Variants in PLCB1 observed in about 807,000 individuals in gnomAD.
PLCB1 encodes the protein 1-phosphatidylinositol 4,5-bisphosphate phosphodiesterase beta-1.
Under a neutral mutation model 161.8 loss-of-function variants are expected in PLCB1, and 46 were observed. That is an observed-to-expected ratio of 0.28 (90% CI 0.22 to 0.36). The LOEUF is 0.36. PLCB1 is among the 10% of genes least tolerant of loss of function. The probability of loss-of-function intolerance (pLI) is 1.00; values close to 1 mark genes in which losing one functional copy is unlikely to be tolerated. For missense variants in PLCB1, 1,016 were observed against 1,472.5 expected, an observed-to-expected ratio of 0.69 and a Z score of 5.07; for synonymous variants, 517 against 503.7, an observed-to-expected ratio of 1.03 and a Z score of -0.35.
intron 31 of PLCB1, among the ~76,000 whole-genome samples, chr20:8,813,804 G>C (rs114951430): frequency 0.027 from 4,034 of 152,098 alleles, 170 homozygotes; most frequent in African/African-American, 0.093. Context: ...GCACAGCCAG[G>C]GCAACAGAGC....
chr20:8,404,523 T>C (rs568426808), intron 3 of PLCB1, among the ~76,000 whole-genome samples: 2 of 152,322 alleles, frequency 1.3e-5, no homozygotes, highest in African/African-American at 4.8e-5. Context: ...TCTTCCTTTT[T>C]TCTCCCCTGA....
chr20:8,316,923 G>A (rs1426577804), intron 2 of PLCB1, among the ~76,000 whole-genome samples: 2 of 151,998 alleles, frequency 1.3e-5, no homozygotes, highest in Non-Finnish European at 2.9e-5. Flanking sequence ...TATGTTTTAT[G>A]TTGTTTGCCT....
intron 7 of PLCB1, among the ~76,000 whole-genome samples, chr20:8,654,452 T>A (rs1989398805): frequency 1.3e-5 from 2 of 152,046 alleles, no homozygotes; most frequent in Admixed American, 1.3e-4. Context: ...AAACACTGAT[T>A]AGGTATCTAT....
intron 2 of PLCB1, among the ~76,000 whole-genome samples, chr20:8,290,837 G>A (rs1443612941): frequency 6.6e-6 from 1 of 152,048 alleles, no homozygotes; most frequent in East Asian, 1.9e-4. Context: ...TAAGGCAGTT[G>A]TCCATCTTAC....
At chr20:8,503,142 G>A (rs891570189) in intron 3 of PLCB1, among the ~76,000 whole-genome samples, 4 of 152,138 alleles carry the variant, frequency 2.6e-5, no homozygotes, top group African/African-American at 9.7e-5. Flanking sequence ...AAGACACTTT[G>A]GAAAGTGAAC....
chr20:8,267,532 A>G (rs1600274589), intron 2 of PLCB1, among the ~76,000 whole-genome samples: 1 of 152,194 alleles, frequency 6.6e-6, no homozygotes, highest in East Asian at 1.9e-4. Flanking sequence ...CCTGTTCCTG[A>G]GAGTCACTCT....
chr20:8,350,136 A>T (rs1363691995), intron 2 of PLCB1, among the ~76,000 whole-genome samples: 1 of 152,168 alleles, frequency 6.6e-6, no homozygotes, highest in Non-Finnish European at 1.5e-5. Context: ...CAGGTTTGTT[A>T]CACAGGTAAA....
chr20:8,344,564 G>A (rs545184527), intron 2 of PLCB1, among the ~76,000 whole-genome samples: 219 of 152,264 alleles, frequency 1.4e-3, no homozygotes, highest in African/African-American at 5.2e-3. Flanking sequence ...TGTGGCTTCA[G>A]CCTTCCTTTC....
intron 18 of PLCB1, among the ~76,000 whole-genome samples, chr20:8,731,468 C>G (rs997834009): frequency 6.6e-6 from 1 of 151,878 alleles, no homozygotes; most frequent in African/African-American, 2.4e-5. Flanking sequence ...CATCCTGATC[C>G]TAATATAAGT....
At chr20:8,384,889 A>G (rs1326175509) in intron 3 of PLCB1, among the ~76,000 whole-genome samples, 1 of 152,142 alleles carries the variant, frequency 6.6e-6, no homozygotes, top group East Asian at 1.9e-4. Flanking sequence ...GACAGCAAAG[A>G]TGGGTGCCTG....
At chr20:8,644,107 C>T (rs1156644906) in intron 4 of PLCB1, among the ~76,000 whole-genome samples, 10 of 152,198 alleles carry the variant, frequency 6.6e-5, no homozygotes, top group South Asian at 2.1e-4. Context: ...CTCAATGGTG[C>T]CCAGGCTGGA....
At chr20:8,414,482 T>TC (rs1463733962) in intron 3 of PLCB1, among the ~76,000 whole-genome samples, 1 of 152,132 alleles carries the variant, frequency 6.6e-6, no homozygotes, top group Non-Finnish European at 1.5e-5. Flanking sequence ...ACCCTCCCTT[T>TC]CTGAATCCTG....
chr20:8,855,940 A>G (rs73895365), intron 31 of PLCB1, among the ~76,000 whole-genome samples: 6,546 of 152,188 alleles, frequency 0.043, 217 homozygotes, highest in African/African-American at 0.091. Flanking sequence ...CTCTACACAC[A>G]CATTTTGAAA....
rs146427686 is a variant in PLCB1 at position 8,487,485 on chromosome 20, C to A, written c.246+116035C>A. The stretch of plus-strand genomic sequence containing the variant: ...TGACCAGCATTTGCTTTGCAACAAT[C>A]ATCTGTGGTGATTGCTCAAGTGTAG... On this transcript the variant is annotated intron_variant, in intron 3 of 31. Coordinates refer to ENST00000338037, the MANE Select transcript of PLCB1 (RefSeq NM_015192.4). 1.6e-4 allele frequency among the ~76,000 whole-genome samples: 25 copies of A among 152,320 alleles called. No individual in the cohort carries two copies. The East Asian group carries it at 4.8e-3, about 29-fold the overall frequency.
chr20:8,460,576 A>G (rs1225875223), intron 3 of PLCB1, among the ~76,000 whole-genome samples: 3 of 152,238 alleles, frequency 2.0e-5, no homozygotes, highest in South Asian at 4.1e-4. Flanking sequence ...TGCCTGGCAT[A>G]TGGCCAACCA....
intron 2 of PLCB1, among the ~76,000 whole-genome samples, chr20:8,195,011 G>C (rs1370357473): frequency 1.3e-5 from 2 of 152,012 alleles, no homozygotes; most frequent in Admixed American, 1.3e-4. Flanking sequence ...TAAATTTTTA[G>C]ACCTGAGATC....
intron 2 of PLCB1, among the ~76,000 whole-genome samples, chr20:8,307,487 T>C (rs1436751049): frequency 1.3e-5 from 2 of 152,334 alleles, no homozygotes; most frequent in East Asian, 3.9e-4. Context: ...TATTTTAATG[T>C]TAATGAGGTT....
intron 3 of PLCB1, among the ~76,000 whole-genome samples, chr20:8,513,840 G>C (rs1229048168): frequency 6.6e-6 from 1 of 151,088 alleles, no homozygotes; most frequent in Non-Finnish European, 1.5e-5. Flanking sequence ...TAAGACCTCT[G>C]TCTCTATTAA....
intron 2 of PLCB1, among the ~76,000 whole-genome samples, chr20:8,170,454 T>A (rs2051722198): frequency 6.6e-6 from 1 of 152,076 alleles, no homozygotes; most frequent in Non-Finnish European, 1.5e-5. Flanking sequence ...ATAATATGAT[T>A]TGCAGATTTA....
Sources: allele counts gnomAD v4.1 joint callset (sites outside exome capture counted in the v4.1 genomes callset), GRCh38; gene constraint gnomAD v4.1.1; transcripts MANE v1.5; gene names NCBI Gene and HGNC (gene_info 2026-07-23, HGNC 2026-07-21).